The following GTF2IRD1 variants were observed in gnomAD, a reference collection of about 807,000 sequenced individuals.
GTF2IRD1 encodes general transcription factor II-I repeat domain-containing protein 1.
In GTF2IRD1, 26 loss-of-function variants were observed where a neutral mutation model predicts 113.2. The ratio of observed to expected loss-of-function variants is 0.23; its 90% CI spans 0.17 to 0.32. The LOEUF (loss-of-function observed/expected upper bound fraction) is 0.32. Ranked by LOEUF, GTF2IRD1 falls within the 10% of genes least tolerant of loss-of-function variation. The pLI is 1.00. For missense variants in GTF2IRD1, 864 were observed against 1,280.8 expected (o/e 0.67, Z 4.97); for synonymous variants, 484 against 529.1 (o/e 0.91, Z 1.17).
chr7:74,483,329 A>G (rs1459967996), intron 1 of GTF2IRD1, among the ~76,000 whole-genome samples: 1 of 152,050 alleles, frequency 6.6e-6, no homozygotes, highest in Non-Finnish European at 1.5e-5. Flanking sequence ...CTTGAGCCCA[A>G]GAATTTGAGC....
At chr7:74,476,656 T>C (rs1361652314) in intron 1 of GTF2IRD1, among the ~76,000 whole-genome samples, 1 of 152,086 alleles carries the variant, frequency 6.6e-6, no homozygotes, top group Non-Finnish European at 1.5e-5. Context: ...CGTACTCTCC[T>C]GCCTCTAGCC....
chr7:74,587,867 G>A (rs1400625252), intron 22 of GTF2IRD1, among the ~76,000 whole-genome samples: 11 of 152,096 alleles, frequency 7.2e-5, no homozygotes, highest in African/African-American at 2.4e-4. Flanking sequence ...CAGATAGGCC[G>A]TGACGGTTAC....
intron 11 of GTF2IRD1, among the ~76,000 whole-genome samples, chr7:74,537,067 C>T (rs1798338623): frequency 6.6e-6 from 1 of 151,974 alleles, no homozygotes; most frequent in African/African-American, 2.4e-5. Flanking sequence ...GCTATGATCG[C>T]ACCACTGCAC....
At chr7:74,565,660 T>G (rs1800256171) in intron 22 of GTF2IRD1, among the ~76,000 whole-genome samples, 1 of 151,504 alleles carries the variant, frequency 6.6e-6, no homozygotes, top group Non-Finnish European at 1.5e-5. Context: ...CCGAAGAACA[T>G]TCTAGTAGGT....
intron 1 of GTF2IRD1, among the ~76,000 whole-genome samples, chr7:74,480,346 C>T (rs556214499): frequency 2.0e-5 from 3 of 152,130 alleles, no homozygotes; most frequent in African/African-American, 4.8e-5. Flanking sequence ...AGGCTGTGGC[C>T]GTGGGAACAT....
At chr7:74,540,411 G>T (rs1212303806) in intron 14 of GTF2IRD1, among the ~76,000 whole-genome samples, 3 of 152,042 alleles carry the variant, frequency 2.0e-5, no homozygotes, top group Admixed American at 6.6e-5. Context: ...CTCCCAAAGT[G>T]CTGGGATTAC....
Position 74,525,517 on chromosome 7 carries a change from C to T in GTF2IRD1, c.1090+1363C>T, listed in dbSNP as rs370817469. On this transcript the variant is annotated intron_variant, in intron 8 of 26. Transcript: ENST00000424337. ...CTGTCATCCCAGCACTTTGGGAGGC[C>T]GAGGCAGGTGAATCACTTGAGCTCG... Among the ~76,000 whole-genome samples, 11 of 152,144 alleles carry T rather than the reference C, an allele frequency of 7.2e-5. No homozygotes were observed. In the East Asian group the frequency reaches 1.4e-3, roughly 19 times the overall value.
intron 1 of GTF2IRD1, among the ~76,000 whole-genome samples, chr7:74,493,555 TG>T (rs1795485814): frequency 1.3e-5 from 2 of 152,178 alleles, no homozygotes; most frequent in Admixed American, 1.3e-4. Context: ...GATTAGGACA[TG>T]GCTGTCTTTT....
chr7:74,527,669 C>T (rs184651202), intron 8 of GTF2IRD1, among the ~76,000 whole-genome samples: 4 of 152,240 alleles, frequency 2.6e-5, no homozygotes, highest in African/African-American at 9.6e-5. Flanking sequence ...TGGTGAAACC[C>T]TGACTCTACT....
At chr7:74,456,450 G>A (rs1328877372) in intron 1 of GTF2IRD1, among the ~76,000 whole-genome samples, 1 of 152,094 alleles carries the variant, frequency 6.6e-6, no homozygotes, top group Non-Finnish European at 1.5e-5. Flanking sequence ...TTGGGAGGCC[G>A]AGGTGGGTGG....
At chr7:74,496,480 CACGTATGTGTGT>C (rs1795712417) in intron 1 of GTF2IRD1, among the ~76,000 whole-genome samples, 1 of 112,368 alleles carries the variant, frequency 8.9e-6, no homozygotes. Flanking sequence ...TGTGGGTGTG[CACGTATGTGTGT>C]GTGTGTGTGT....
rs782667823 is a variant in GTF2IRD1 at position 74,512,872 on chromosome 7, G to A, written c.166G>A (p.Ala56Thr). 2.4e-5 allele frequency: 38 copies of A among 1,613,944 alleles called. No homozygotes were observed. The highest frequency in any genetic ancestry group is 3.3e-5 in the South Asian group (3 of 91,086). The stretch of plus-strand genomic sequence containing the variant: ...ACTGAACGCCGAGGTGGCCTGTGTC[G>A]CCGTGCACGATGAGAGCGCCTTTGT... ...SKLNAEVACV[A>T]VHDESAFVVG... The change falls in exon 3 of 27, where the codon GCC becomes ACC. Residue 56 changes from alanine (A) to threonine (T), a missense_variant. Physicochemically the swap from Ala to Thr is moderately conservative, Grantham distance 58. This residue lies in a region of GTF2IRD1 where 182 missense variants were observed against 266.6 expected (regional missense o/e 0.68). Transcript: ENST00000424337. This position sits in a 1 kb window ranked among gnomAD's most constrained non-coding sequence, Gnocchi z 4.4.
At chr7:74,481,782 T>C (rs1794754727) in intron 1 of GTF2IRD1, among the ~76,000 whole-genome samples, 1 of 152,192 alleles carries the variant, frequency 6.6e-6, no homozygotes, top group African/African-American at 2.4e-5. Flanking sequence ...ATCTTTGCAT[T>C]TGGGATAATT....
chr7:74,459,016 G>A (rs1331621595), intron 1 of GTF2IRD1, among the ~76,000 whole-genome samples: 1 of 152,054 alleles, frequency 6.6e-6, no homozygotes, highest in East Asian at 1.9e-4. Flanking sequence ...TCGTCCTGTG[G>A]AACTGATCCA....
chr7:74,543,795 G>A (rs376141685), intron 14 of GTF2IRD1, among the ~76,000 whole-genome samples: 2 of 150,406 alleles, frequency 1.3e-5, no homozygotes, highest in South Asian at 2.1e-4. Flanking sequence ...CAGCTATTGA[G>A]GAGACTGAGG....
chr7:74,455,666 C>T (rs1274813103), intron 1 of GTF2IRD1, among the ~76,000 whole-genome samples: 23 of 152,202 alleles, frequency 1.5e-4, no homozygotes, highest in Admixed American at 1.5e-3. Flanking sequence ...ACTCTGACCT[C>T]TTCTGAGCAG....
At position 74,555,594 on chromosome 7, in the gene GTF2IRD1, C is replaced by T. The variant is rs1799543279; in HGVS notation, c.2023+100C>T. The stretch of plus-strand genomic sequence containing the variant: ...GCTGGAAGTGGGGAGGAGCTGGCCC[C>T]CAACTTCAGGGCCTAAGGGACCAGG... On this transcript the variant is annotated intron_variant, in intron 19 of 26. Transcript: ENST00000424337. This position sits in a 1 kb window ranked among gnomAD's most constrained non-coding sequence, Gnocchi z 5.3. The T allele has an allele frequency of 2.6e-6, 2 of 767,928 alleles. No individual in the cohort carries two copies. Among genetic ancestry groups the T allele is most frequent in the African/African-American group, 1.7e-5 (1 of 58,408 alleles). 47.6% of individuals were successfully genotyped at this position (767,928 alleles called of 1,614,324 possible).
At chr7:74,600,975 G>A in intron 25 of GTF2IRD1, 69 bp from the exon 26 acceptor site, 1 of 1,558,738 alleles carries the variant, frequency 6.4e-7, no homozygotes, top group Non-Finnish European at 8.8e-7. Context: ...CACTTTTCCA[G>A]GGAGCTCAGG....
intron 22 of GTF2IRD1, among the ~76,000 whole-genome samples, chr7:74,566,373 C>A (rs1292562965): frequency 3.5e-5 from 5 of 143,466 alleles, no homozygotes; most frequent in Non-Finnish European, 4.6e-5. Context: ...GACGGAGTCT[C>A]GCTCTGTCCC....
Sources: gnomAD v4.1 joint callset for allele counts (sites outside exome capture counted in the v4.1 genomes callset) on GRCh38, gnomAD v4.1.1 for gene constraint, gnomAD v4.1.1 regional missense constraint, Gnocchi (gnomAD v3.1) non-coding constraint, MANE v1.5 for transcripts, NCBI Gene and HGNC (gene_info 2026-07-23, HGNC 2026-07-21) for gene names.